The following USP25 variants were observed in gnomAD, a reference collection of about 807,000 sequenced individuals.
USP25 encodes the protein ubiquitin carboxyl-terminal hydrolase 25.
Under a neutral mutation model 158.5 loss-of-function variants are expected in USP25, and 85 were observed. The ratio of observed to expected loss-of-function variants is 0.54; its 90% CI spans 0.45 to 0.64. The LOEUF (loss-of-function observed/expected upper bound fraction) is 0.64. Ranked by LOEUF, USP25 falls within the 30% of genes least tolerant of loss-of-function variation. The pLI is 0.00. For synonymous variants in USP25, 464 were observed against 460.4 expected (o/e 1.01, Z -0.10); for missense variants, 1,242 against 1,327.3 (o/e 0.94, Z 1.00).
chr21:15,751,405 T>C (rs2033005812), intron 1 of USP25, among the ~76,000 whole-genome samples: 1 of 152,250 alleles, frequency 6.6e-6, no homozygotes. Flanking sequence ...CTAGGAATTA[T>C]ATAGTATTCC....
At chr21:15,740,795 A>G (rs988366813) in intron 1 of USP25, among the ~76,000 whole-genome samples, 9 of 151,820 alleles carry the variant, frequency 5.9e-5, no homozygotes, top group Admixed American at 2.6e-4. Context: ...TCTTTGTACA[A>G]TTTTAGACAT....
At position 15,823,927 on chromosome 21, in the gene USP25, G is replaced by T. The variant is rs138543355; in HGVS notation, c.1081-112G>T. On this transcript the variant is annotated intron_variant, in intron 10 of 25. Transcript: ENST00000400183. Reference sequence around the variant, plus strand: ...GTGTACCCAGTTACTTGTCAGGTCCGCATTGTGGTGATACATATAACAATG... The same window carrying T: ...GTGTACCCAGTTACTTGTCAGGTCCTCATTGTGGTGATACATATAACAATG... The T allele has an allele frequency of 9.7e-4, 1,028 of 1,063,724 alleles. 12 individuals are homozygous for T. In the African/African-American group the frequency reaches 0.015, roughly 16 times the overall value. 65.9% of individuals were successfully genotyped at this position (1,063,724 alleles called of 1,614,324 possible). A position where few individuals can be genotyped will look rare whatever the true frequency, so the allele number is the denominator to read the frequency against.
At chr21:15,773,143 T>C (rs909821466) in intron 3 of USP25, 1 of 152,352 alleles carries the variant, frequency 6.6e-6, no homozygotes, top group Middle Eastern at 3.4e-3. Context: ...ATACCAGGGA[T>C]TGGAGGCTCA....
At chr21:15,801,429 G>T (rs1306349525) in intron 6 of USP25, among the ~76,000 whole-genome samples, 1 of 151,424 alleles carries the variant, frequency 6.6e-6, no homozygotes, top group East Asian at 1.9e-4. Flanking sequence ...GGAAATAAAA[G>T]AATTTCTCAC....
At chr21:15,774,274 T>G (rs1327728455) in intron 3 of USP25, among the ~76,000 whole-genome samples, 1 of 152,220 alleles carries the variant, frequency 6.6e-6, no homozygotes, top group Non-Finnish European at 1.5e-5. Flanking sequence ...ATTGGTAATT[T>G]GAAAAGATTT....
chr21:15,763,018 A>G, intron 2 of USP25, 50 bp downstream of exon 2: 1 of 1,508,348 alleles, frequency 6.6e-7, no homozygotes, highest in Middle Eastern at 1.8e-4. Context: ...GCTCATCTCT[A>G]GTGCGTATTA....
intron 23 of USP25, among the ~76,000 whole-genome samples, chr21:15,873,649 A>G (rs2039983387): frequency 6.6e-6 from 1 of 151,822 alleles, no homozygotes; most frequent in Non-Finnish European, 1.5e-5. Context: ...ATGTGTCACC[A>G]TGCCCGGCTA....
intron 24 of USP25, chr21:15,877,560 C>T (rs1246453139): frequency 1.5e-5 from 5 of 330,534 alleles, no homozygotes; most frequent in Non-Finnish European, 2.2e-5. Flanking sequence ...GACTGAAAAA[C>T]ACAATAATGT....
intron 4 of USP25, among the ~76,000 whole-genome samples, chr21:15,782,089 G>A (rs2034998031): frequency 6.6e-6 from 1 of 152,214 alleles, no homozygotes; most frequent in Non-Finnish European, 1.5e-5. Context: ...CACAACTGGG[G>A]CCCTGATACC....
At chr21:15,863,196 A>T (rs2039508382) in intron 20 of USP25, among the ~76,000 whole-genome samples, 1 of 151,994 alleles carries the variant, frequency 6.6e-6, no homozygotes, top group African/African-American at 2.4e-5. Context: ...ATATGGTCAG[A>T]TATTTTCTAG....
intron 9 of USP25, among the ~76,000 whole-genome samples, chr21:15,813,304 AC>A (rs2036766873): frequency 6.6e-6 from 1 of 152,152 alleles, no homozygotes; most frequent in Non-Finnish European, 1.5e-5. Flanking sequence ...GAAAATCTTT[AC>A]CTCAGATTTC....
chr21:15,738,951 T>G (rs1371092722), intron 1 of USP25, among the ~76,000 whole-genome samples: 1 of 152,096 alleles, frequency 6.6e-6, no homozygotes, highest in Non-Finnish European at 1.5e-5. Flanking sequence ...GCTTGCTCAT[T>G]TGATCATGAC....
chr21:15,814,809 A>G (rs1007604196), intron 9 of USP25, among the ~76,000 whole-genome samples: 3 of 152,206 alleles, frequency 2.0e-5, no homozygotes, highest in Non-Finnish European at 2.9e-5. Flanking sequence ...TTGCAGCCTG[A>G]TGATCCAGTA....
intron 1 of USP25, among the ~76,000 whole-genome samples, chr21:15,740,743 T>C (rs2031975980): frequency 7.0e-6 from 1 of 142,006 alleles, no homozygotes; most frequent in South Asian, 2.5e-4. Flanking sequence ...AACCATAGCA[T>C]ATGAAAACTT....
rs956693054 is a variant in USP25, at chr21:15,826,637, G to A, written c.1466+272G>A. ...TTGGTATGTACATATATAAGATTCA[G>A]CATTTTATGATCCATAAAAATAGTA... On this transcript the variant is annotated intron_variant, in intron 13 of 25. Transcript: ENST00000400183. The surrounding 1 kb of genome is among the most constrained non-coding windows in gnomAD (Gnocchi z 4.8). Among the ~76,000 whole-genome samples, 1 of 151,944 alleles carries A rather than the reference G, an allele frequency of 6.6e-6. No individual in the cohort carries two copies. The highest frequency in any genetic ancestry group is 1.5e-5 in the Non-Finnish European group (1 of 67,982).
At chr21:15,809,490 A>G (rs2036552874) in intron 8 of USP25, among the ~76,000 whole-genome samples, 1 of 152,122 alleles carries the variant, frequency 6.6e-6, no homozygotes, top group Non-Finnish European at 1.5e-5. Context: ...CTACTGACCC[A>G]AGAAAATAAC....
At position 15,843,823 on chromosome 21, in the gene USP25, A is replaced by G. The variant is rs1319173806; in HGVS notation, c.2337+1283A>G. On this transcript the variant is annotated intron_variant, in intron 18 of 25. Transcript: ENST00000400183. This position sits in a 1 kb window ranked among gnomAD's most constrained non-coding sequence, Gnocchi z 4.0. ...ATTTGCAAGGCCTCTGCTAATTAGAACTTTTATTTGTTAAAGGCCTAAATT... is the reference window on the plus strand; with the variant it reads ...ATTTGCAAGGCCTCTGCTAATTAGAGCTTTTATTTGTTAAAGGCCTAAATT... Among the ~76,000 whole-genome samples, 2 of 152,146 alleles carry G rather than the reference A, an allele frequency of 1.3e-5. No individual in the cohort carries two copies. Among genetic ancestry groups the G allele is most frequent in the East Asian group, 1.9e-4 (1 of 5,186 alleles).
At position 15,816,504 on chromosome 21, in the gene USP25, G is replaced by A. The variant is rs2036943759; in HGVS notation, c.932-2194G>A. 3.3e-5 allele frequency among the ~76,000 whole-genome samples: 5 copies of A among 152,022 alleles called. No individual in the cohort carries two copies. The highest frequency in any genetic ancestry group is 3.3e-4 in the Admixed American group (5 of 15,282). ...GGCTTTTGTAACACCATATTCTTGT[G>A]GCTTTTTTCCTGCCTCAGTGGGTAC... On this transcript the variant is annotated intron_variant, in intron 9 of 25. Coordinates refer to ENST00000400183, the MANE Select transcript of USP25 (RefSeq NM_001283041.3). The surrounding 1 kb of genome is among the most constrained non-coding windows in gnomAD (Gnocchi z 4.0).
chr21:15,860,484 G>C (rs957873928), intron 20 of USP25, among the ~76,000 whole-genome samples: 4 of 151,910 alleles, frequency 2.6e-5, no homozygotes, highest in African/African-American at 9.7e-5. Flanking sequence ...CAGCCCAATA[G>C]GTTTTGATAT....
Sources: gnomAD v4.1 joint callset for allele counts (sites outside exome capture counted in the v4.1 genomes callset) on GRCh38, gnomAD v4.1.1 for gene constraint, Gnocchi (gnomAD v3.1) non-coding constraint, MANE v1.5 for transcripts, NCBI Gene and HGNC (gene_info 2026-07-23, HGNC 2026-07-21) for gene names.